The following CCN6 variants were observed in gnomAD, a reference collection of about 807,000 sequenced individuals.
The protein encoded by CCN6 is CCN family member 6.
In CCN6, 31 loss-of-function variants were observed where a neutral mutation model predicts 37.4. The observed-to-expected ratio is 0.83, with a 90% confidence interval of 0.62 to 1.12. The LOEUF (loss-of-function observed/expected upper bound fraction) is 1.12, where lower values mean the gene tolerates loss of function less well. CCN6 is among the 50% of genes most tolerant of loss of function. CCN6 has a pLI of 0.00. For synonymous variants in CCN6, 137 were observed against 142.1 expected, an observed-to-expected ratio of 0.96 and a Z score of 0.26; for missense variants, 369 against 413.8, an observed-to-expected ratio of 0.89 and a Z score of 0.94.
intron 2 of CCN6, among the ~76,000 whole-genome samples, chr6:112,063,205 C>A (rs1048577760): frequency 6.6e-6 from 1 of 152,210 alleles, no homozygotes; most frequent in Non-Finnish European, 1.5e-5. Context: ...TGGCATCACA[C>A]AGATATGTAA....
intron 3 of CCN6, among the ~76,000 whole-genome samples, chr6:112,066,570 T>C (rs1302679481): frequency 6.6e-6 from 1 of 152,186 alleles, no homozygotes; most frequent in Non-Finnish European, 1.5e-5. Context: ...GATTTAGACC[T>C]AGGTGTGTTT....
chr6:112,063,609 T>G (rs1397513010), intron 2 of CCN6, among the ~76,000 whole-genome samples: 1 of 152,226 alleles, frequency 6.6e-6, no homozygotes, highest in Non-Finnish European at 1.5e-5. Flanking sequence ...GATACAAGTT[T>G]TCCAAAATTC....
intron 1 of CCN6, among the ~76,000 whole-genome samples, chr6:112,058,365 T>C (rs927054887): frequency 6.6e-6 from 1 of 152,326 alleles, no homozygotes; most frequent in Non-Finnish European, 1.5e-5. Context: ...CAAATGGACT[T>C]AGATCTAGTA....
rs1776280759 is a variant in CCN6, at chr6:112,054,346, G to A, written c.-12G>A. The A allele has an allele frequency of 2.5e-6, 4 of 1,613,878 alleles. No homozygotes were observed. The highest frequency in any genetic ancestry group is 3.4e-6 in the Non-Finnish European group (4 of 1,179,984). Reference sequence around the variant, plus strand: ...TCTCTACCCCTCAGGGTGGCTCCACGGTCCCAGCGACATGCAGGGGCTCCT... The same window carrying A: ...TCTCTACCCCTCAGGGTGGCTCCACAGTCCCAGCGACATGCAGGGGCTCCT... On this transcript the variant is annotated 5_prime_UTR_variant, in exon 1 of 5. Transcript: ENST00000368666.
At chr6:112,059,522 G>T (rs1297866835) in intron 1 of CCN6, among the ~76,000 whole-genome samples, 2 of 152,146 alleles carry the variant, frequency 1.3e-5, no homozygotes, top group African/African-American at 4.8e-5. Flanking sequence ...TGACATGCCT[G>T]CCTCCTTCCC....
At chr6:112,058,214 G>T (rs782120386) in intron 1 of CCN6, among the ~76,000 whole-genome samples, 7 of 152,148 alleles carry the variant, frequency 4.6e-5, no homozygotes, top group Non-Finnish European at 7.3e-5. Context: ...CTCACGTTGT[G>T]CATGTAACTT....
chr6:112,056,578 G>A (rs948800107), intron 1 of CCN6, among the ~76,000 whole-genome samples: 16 of 151,994 alleles, frequency 1.1e-4, no homozygotes, highest in African/African-American at 1.5e-4. Context: ...GTGCAGTGGC[G>A]TGTCTTGGCT....
chr6:112,058,689 C>A (rs1411226543), intron 1 of CCN6, among the ~76,000 whole-genome samples: 1 of 152,192 alleles, frequency 6.6e-6, no homozygotes, highest in African/African-American at 2.4e-5. Flanking sequence ...GGAGGAACAG[C>A]ATCATATATG....
intron 3 of CCN6, 134 bp downstream of exon 3, chr6:112,065,131 T>C: frequency 1.4e-6 from 2 of 1,384,844 alleles, no homozygotes; most frequent in Admixed American, 1.7e-5. Context: ...GTGTATCATT[T>C]TACTTAATCT....
Position 112,064,834 on chromosome 6 carries a change from C to G in CCN6, c.426C>G (p.Ser142Arg), listed in dbSNP as rs781945734. The change falls in exon 3 of 5, where the codon AGC becomes AGG. Residue 142 changes from serine to arginine, a missense_variant. Transcript: ENST00000368666. Reference sequence around the variant, plus strand: ...TGTTTCAGCCCAACCCCTTGTTCAGCTGCCTCTGTGTGAGTGGGGCCATTG... The same window carrying G: ...TGTTTCAGCCCAACCCCTTGTTCAGGTGCCTCTGTGTGAGTGGGGCCATTG... ...GQVFQPNPLF[S>R]CLCVSGAIGC... 2 of 1,614,116 alleles carry G rather than the reference C, an allele frequency of 1.2e-6. No individual in the cohort carries two copies. Among genetic ancestry groups the G allele is most frequent in the Admixed American group, 3.3e-5 (2 of 60,010 alleles).
chr6:112,064,997 G>A lies in CCN6; in HGVS notation c.589G>A (p.Ala197Thr), dbSNP rs1554313639. The change falls in exon 3 of 5, where the codon GCT (alanine) becomes ACT (threonine). Residue 197 changes from alanine to threonine, a missense_variant and splice_region_variant. By Grantham distance (58) the Ala-to-Thr change is moderately conservative (BLOSUM62 0). Transcript: ENST00000368666. ...TTCAACAAGCTACAAAACAATGCCA[G>A]GTGCTCAGAAGTAGAGCTATTTTTC... ...QLSTSYKTMP[A>T]YRNLPLIWKK... 6.2e-7 allele frequency: 1 copy of A among 1,613,962 alleles called. No homozygotes were observed. The highest frequency in any genetic ancestry group is 8.5e-7 in the Non-Finnish European group (1 of 1,179,902).
intron 3 of CCN6, 58 bp from the exon 4 acceptor site, chr6:112,068,147 T>C: frequency 7.7e-7 from 1 of 1,307,164 alleles, no homozygotes; most frequent in Non-Finnish European, 1.0e-6. Context: ...TTAAAAATTA[T>C]CTATTTATAC....
At chr6:112,054,686 A>G (rs2280152) in intron 1 of CCN6, 105,000 of 419,654 alleles carry the variant, frequency 0.25, 13,772 homozygotes, top group East Asian at 0.32. Context: ...ATATATTTTT[A>G]TAGCAGAGCC....
chr6:112,060,794 A>G (rs1381499754), intron 1 of CCN6, among the ~76,000 whole-genome samples, 197 bp from the exon 2 acceptor site: 1 of 152,110 alleles, frequency 6.6e-6, no homozygotes, highest in Non-Finnish European at 1.5e-5. Flanking sequence ...AATAAGAGGA[A>G]TAAGAGCCTC....
At chr6:112,061,361 CTTGGAGTGATCAGCTTAGT>C in intron 2 of CCN6, 73 bp downstream of exon 2, 1 of 1,602,240 alleles carries the variant, frequency 6.2e-7, no homozygotes, top group South Asian at 1.1e-5. Flanking sequence ...CAATTGTTAG[CTTGGAGTGATCAGCTTAGT>C]TTGGCTAAAT....
intron 1 of CCN6, among the ~76,000 whole-genome samples, chr6:112,056,167 C>T (rs1210647356): frequency 1.3e-5 from 2 of 152,110 alleles, no homozygotes; most frequent in African/African-American, 2.4e-5. Flanking sequence ...TTGACTATGT[C>T]CAGGCCTCTT....
At chr6:112,065,881 G>A (rs1435198699) in intron 3 of CCN6, among the ~76,000 whole-genome samples, 1 of 152,176 alleles carries the variant, frequency 6.6e-6, no homozygotes, top group Non-Finnish European at 1.5e-5. Flanking sequence ...TATAGAGGAG[G>A]AGGGACTCAA....
chr6:112,068,531 C>CA, intron 4 of CCN6, 133 bp downstream of exon 4: 1 of 853,992 alleles, frequency 1.2e-6, no homozygotes, highest in African/African-American at 1.7e-5. Context: ...TGCTTAAAGT[C>CA]AAACTATTTC....
At chr6:112,066,008 T>C (rs991185686) in intron 3 of CCN6, among the ~76,000 whole-genome samples, 1 of 152,218 alleles carries the variant, frequency 6.6e-6, no homozygotes, top group Non-Finnish European at 1.5e-5. Flanking sequence ...AAATGCAGAA[T>C]ACTTGAATAT....
Sources: allele counts gnomAD v4.1 joint callset (sites outside exome capture counted in the v4.1 genomes callset), GRCh38; gene constraint gnomAD v4.1.1; transcripts MANE v1.5; gene names NCBI Gene and HGNC (gene_info 2026-07-23, HGNC 2026-07-21).